The following SI variants were observed in gnomAD, a reference collection of about 807,000 sequenced individuals.
SI encodes sucrase-isomaltase, intestinal.
Under a neutral mutation model 253.3 loss-of-function variants are expected in SI, and 235 were observed. The ratio of observed to expected loss-of-function variants is 0.93; its 90% CI spans 0.83 to 1.03. SI has a LOEUF of 1.03. Ranked by LOEUF, SI falls within the 50% of genes least tolerant of loss-of-function variation. The pLI is 0.00. For missense variants in SI, 2,442 were observed against 2,211.1 expected (o/e 1.10, Z -2.09); for synonymous variants, 819 against 712.0 (o/e 1.15, Z -2.39).
chr3:165,049,315 A>T, intron 14 of SI, 71 bp from the exon 15 acceptor site: 2 of 868,450 alleles, frequency 2.3e-6, no homozygotes, highest in South Asian at 2.9e-5. Context: ...TCCATCATAA[A>T]TGTCATATTC....
Position 165,013,137 on chromosome 3 carries a change from T to C in SI, c.4000-95A>G, listed in dbSNP as rs189035008. 7.2e-4 allele frequency: 592 copies of C among 817,076 alleles called. 5 individuals carry two copies. In the African/African-American group the frequency reaches 7.6e-3, roughly 11 times the overall value. 50.6% of individuals were successfully genotyped at this position (817,076 alleles called of 1,614,324 possible). On this transcript the variant is annotated intron_variant, in intron 33 of 47. Coordinates refer to ENST00000264382, the MANE Select transcript of SI (RefSeq NM_001041.4). ...AGTGTAATGGAGTATTAGAGGCTTA[T>C]TATTAACTCAAAGTCTTCAGATCTG...
Position 165,049,801 on chromosome 3 carries a change from C to T in SI, c.1587G>A (p.Pro529=), listed in dbSNP as rs531422962. The change falls in exon 14 of 48, where the codon CCG becomes CCA. Residue 529 remains proline (P), a synonymous_variant. Transcript: ENST00000264382. Reference sequence around the variant, plus strand: ...CCAAATAAATTTTACCAGGAGTAAACGGTGGATAATTCAATTTGTTTACAT... The same window carrying T: ...CCAAATAAATTTTACCAGGAGTAAATGGTGGATAATTCAATTTGTTTACAT... ...GCNVNKLNYP[P]FTPDILDKLM... is the part of the protein sequence containing the mutation. 2.1e-4 allele frequency: 334 copies of T among 1,588,744 alleles called. No individual in the cohort carries two copies. The highest frequency in any genetic ancestry group is 1.0e-3 in the East Asian group (46 of 44,458).
At chr3:165,049,359 T>C (rs1713313018) in intron 14 of SI, 115 bp from the exon 15 acceptor site, 1 of 729,578 alleles carries the variant, frequency 1.4e-6, no homozygotes, top group Non-Finnish European at 2.4e-6. Flanking sequence ...CCATATTTGG[T>C]TAAAAACAAT....
At chr3:165,041,834 A>T (rs1712850584) in intron 17 of SI, among the ~76,000 whole-genome samples, 1 of 152,094 alleles carries the variant, frequency 6.6e-6, no homozygotes. Context: ...ACTGAAAACC[A>T]TGTTTCCCAG....
chr3:165,013,798 G>A (rs1411449502), intron 33 of SI, among the ~76,000 whole-genome samples: 1 of 152,100 alleles, frequency 6.6e-6, no homozygotes, highest in Admixed American at 6.6e-5. Context: ...TAGAAATACA[G>A]AATGAGGAGA....
At chr3:164,991,609 A>G in intron 43 of SI, 132 bp from the exon 44 acceptor site, 1 of 968,526 alleles carries the variant, frequency 1.0e-6, no homozygotes, top group Non-Finnish European at 1.6e-6. Flanking sequence ...ATTTATTCAG[A>G]AAATCTTAAT....
At chr3:165,008,426 C>T (rs998318771) in intron 35 of SI, among the ~76,000 whole-genome samples, 1 of 151,894 alleles carries the variant, frequency 6.6e-6, no homozygotes, top group Non-Finnish European at 1.5e-5. Context: ...GTACATATCT[C>T]AGAATCTCAG....
rs377040463 is a variant in SI at position 165,067,364 on chromosome 3, A to G, written c.611T>C (p.Ile204Thr). ...VAQNPFSIQV[I>T]RKSNGKTLFD... ...CAAAGTTTTACCGTTGCTTTTCCTA[A>G]TAACTTGGATGCTAAATGGGTTTTG... The change falls in exon 6 of 48, where the codon ATT becomes ACT. Residue 204 changes from isoleucine to threonine, a missense_variant. Ile to Thr is a moderately conservative substitution (Grantham distance 89). Transcript: ENST00000264382. 1.2e-5 allele frequency: 19 copies of G among 1,610,790 alleles called. No homozygotes were observed. The highest frequency in any genetic ancestry group is 1.6e-5 in the Non-Finnish European group (19 of 1,177,864).
intron 17 of SI, among the ~76,000 whole-genome samples, chr3:165,042,802 A>G (rs1712908181): frequency 6.6e-6 from 1 of 152,134 alleles, no homozygotes; most frequent in African/African-American, 2.4e-5. Flanking sequence ...ATATACTTGT[A>G]CAGTTATGCG....
the SI span, among the ~76,000 whole-genome samples, chr3:165,087,810 T>A: frequency 6.6e-6 from 1 of 152,192 alleles, no homozygotes; most frequent in South Asian, 2.1e-4. Flanking sequence ...AGTATCCTCC[T>A]TTATTTACCT....
chr3:165,013,099 G>T, intron 33 of SI, 57 bp from the exon 34 acceptor site: 2 of 1,062,268 alleles, frequency 1.9e-6, no homozygotes, highest in African/African-American at 1.5e-5. Flanking sequence ...TGATATGATT[G>T]CTATGTAGAT....
intron 24 of SI, 34 bp downstream of exon 24, chr3:165,032,488 T>C (rs757145465): frequency 7.1e-6 from 10 of 1,407,022 alleles, no homozygotes; most frequent in Admixed American, 3.4e-5. Context: ...TGAGATTATA[T>C]GATAGCTAAA....
chr3:165,049,813 C>A lies in SI; in HGVS notation c.1575G>T (p.Leu525Phe). ...TACCAGGAGTAAACGGTGGATAATT[C>A]AATTTGTTTACATTACATCCTTTTG... ...GSTKGCNVNK[L>F]NYPPFTPDIL... is the part of the protein sequence containing the mutation. Residue 525 changes from leucine (L) to phenylalanine (F), a missense_variant, in exon 14 of 48, where the codon TTG (leucine) becomes TTT (phenylalanine). Coordinates refer to ENST00000264382, the MANE Select transcript of SI (RefSeq NM_001041.4). The A allele has an allele frequency of 6.2e-7, 1 of 1,602,564 alleles. No homozygotes were observed. Among genetic ancestry groups the A allele is most frequent in the South Asian group, 1.1e-5 (1 of 90,726 alleles).
chr3:165,017,404 A>T (rs1719089681), intron 31 of SI, 144 bp downstream of exon 31: 4 of 697,362 alleles, frequency 5.7e-6, no homozygotes, highest in South Asian at 3.6e-5. Flanking sequence ...ACTGTTTATA[A>T]ATCTCATATC....
chr3:164,981,144 C>A (rs892691461), intron 47 of SI, among the ~76,000 whole-genome samples: 2 of 151,682 alleles, frequency 1.3e-5, no homozygotes, highest in African/African-American at 4.8e-5. Context: ...TTTATTTTAC[C>A]GAGGAAGGAC....
intron 15 of SI, among the ~76,000 whole-genome samples, chr3:165,048,202 G>GT (rs1560007112): frequency 1.3e-5 from 2 of 151,870 alleles, no homozygotes; most frequent in East Asian, 1.9e-4. Flanking sequence ...TGAGAAAATC[G>GT]TAAGTATATT....
chr3:165,077,152 C>A (rs143103341), intron 1 of SI, among the ~76,000 whole-genome samples: 12 of 151,308 alleles, frequency 7.9e-5, no homozygotes, highest in African/African-American at 2.7e-4. Context: ...AGAATTATGC[C>A]TTCATTTTAT....
rs535082142 is a variant in SI, at chr3:164,991,340, A to G, written c.5108+13T>C. On this transcript the variant is annotated intron_variant, in intron 44 of 47. Coordinates refer to ENST00000264382, the MANE Select transcript of SI (RefSeq NM_001041.4). ...TCAAAATTTAACCTGAGCTTTGTAA[A>G]CAGTTCACTTACCTGTAAAATGTGT... 131 of 1,613,544 alleles carry G rather than the reference A, an allele frequency of 8.1e-5. No individual in the cohort carries two copies. Among genetic ancestry groups the G allele is most frequent in the Middle Eastern group, 3.3e-4 (2 of 6,076 alleles).
chr3:165,040,764 G>A (rs1712776720), intron 18 of SI, among the ~76,000 whole-genome samples, 176 bp downstream of exon 18: 1 of 151,316 alleles, frequency 6.6e-6, no homozygotes, highest in African/African-American at 2.4e-5. Flanking sequence ...CCTAAATATT[G>A]TCCAATTAAT....
Sources: allele counts gnomAD v4.1 joint callset (sites outside exome capture counted in the v4.1 genomes callset), GRCh38; gene constraint gnomAD v4.1.1; transcripts MANE v1.5; gene names NCBI Gene and HGNC (gene_info 2026-07-23, HGNC 2026-07-21).